The following KAT2B variants were observed in gnomAD, a reference collection of about 807,000 sequenced individuals.
KAT2B encodes histone acetyltransferase KAT2B.
A neutral mutation model predicts 105.9 loss-of-function variants in KAT2B; 36 were observed. The ratio of observed to expected loss-of-function variants is 0.34; its 90% CI spans 0.26 to 0.45. KAT2B has a LOEUF of 0.45. Ranked by LOEUF, KAT2B falls within the 20% of genes least tolerant of loss-of-function variation. The probability of loss-of-function intolerance (pLI) is 1.00; values close to 1 mark genes in which losing one functional copy is unlikely to be tolerated. For missense variants in KAT2B, 820 were observed against 1,021.6 expected, an observed-to-expected ratio of 0.80 and a Z score of 2.69; for synonymous variants, 397 against 377.9, an observed-to-expected ratio of 1.05 and a Z score of -0.59.
At chr3:20,132,471 T>C (rs958787226) in intron 11 of KAT2B, among the ~76,000 whole-genome samples, 13 of 152,212 alleles carry the variant, frequency 8.5e-5, no homozygotes, top group Non-Finnish European at 1.6e-4. Context: ...ACACTGAAGT[T>C]ACCAGATAGT....
At chr3:20,108,781 C>T (rs1699067551) in intron 5 of KAT2B, among the ~76,000 whole-genome samples, 1 of 152,194 alleles carries the variant, frequency 6.6e-6, no homozygotes, top group Admixed American at 6.5e-5. Context: ...CTGAGCTCCA[C>T]CTCCTGTCAG....
At chr3:20,100,956 A>G (rs536400379) in intron 4 of KAT2B, 36 of 287,084 alleles carry the variant, frequency 1.3e-4, no homozygotes, top group African/African-American at 6.5e-4. Context: ...TAAAGCAATA[A>G]TTATTCTGCA....
At chr3:20,049,997 C>T (rs559203061) in intron 1 of KAT2B, among the ~76,000 whole-genome samples, 5 of 152,140 alleles carry the variant, frequency 3.3e-5, no homozygotes, top group East Asian at 1.9e-4. Flanking sequence ...CTCAGGAGTT[C>T]GAGACCAGCC....
intron 1 of KAT2B, among the ~76,000 whole-genome samples, chr3:20,068,782 TA>T (rs1698268919): frequency 6.6e-6 from 1 of 152,210 alleles, no homozygotes; most frequent in Non-Finnish European, 1.5e-5. Context: ...TGTTTTTGGT[TA>T]TTACTGTTTT....
intron 13 of KAT2B, among the ~76,000 whole-genome samples, chr3:20,142,613 G>A (rs905514105): frequency 2.0e-5 from 3 of 152,178 alleles, no homozygotes; most frequent in African/African-American, 4.8e-5. Context: ...GGTGGACCAA[G>A]AGTGGAGAGT....
At chr3:20,098,880 G>A (rs1698858679) in intron 3 of KAT2B, among the ~76,000 whole-genome samples, 2 of 152,114 alleles carry the variant, frequency 1.3e-5, no homozygotes, top group South Asian at 4.1e-4. Flanking sequence ...GTTCAGTGGT[G>A]AGACATGGTC....
At chr3:20,044,798 A>G (rs1394960681) in intron 1 of KAT2B, among the ~76,000 whole-genome samples, 2 of 152,132 alleles carry the variant, frequency 1.3e-5, no homozygotes, top group Non-Finnish European at 2.9e-5. Context: ...TATGATTTGT[A>G]TGATTATTTG....
chr3:20,152,275 T>C (rs1045456915), intron 17 of KAT2B, 57 bp from the exon 18 acceptor site: 1 of 1,215,756 alleles, frequency 8.2e-7, no homozygotes, highest in Admixed American at 1.9e-5. Flanking sequence ...GTCCCAGTTT[T>C]GTCAGCTGGT....
At chr3:20,051,979 C>G (rs927608849) in intron 1 of KAT2B, among the ~76,000 whole-genome samples, 1 of 152,224 alleles carries the variant, frequency 6.6e-6, no homozygotes, top group African/African-American at 2.4e-5. Flanking sequence ...CCTGTTCAAA[C>G]TTCTTAAGAT....
At chr3:20,120,436 C>T (rs1331444033) in intron 8 of KAT2B, among the ~76,000 whole-genome samples, 4 of 151,980 alleles carry the variant, frequency 2.6e-5, no homozygotes, top group African/African-American at 9.7e-5. Flanking sequence ...CCATATTGGT[C>T]AGGCTGGTCT....
At chr3:20,110,359 A>C (rs1699097908) in intron 5 of KAT2B, among the ~76,000 whole-genome samples, 1 of 151,562 alleles carries the variant, frequency 6.6e-6, no homozygotes, top group African/African-American at 2.4e-5. Context: ...TCACATCTTC[A>C]CTTCTGGGAG....
chr3:20,091,406 A>G (rs1324284133), intron 2 of KAT2B, among the ~76,000 whole-genome samples: 1 of 152,012 alleles, frequency 6.6e-6, no homozygotes, highest in Non-Finnish European at 1.5e-5. Context: ...TAGTCCAGCT[A>G]AAAGTTTGTC....
At chr3:20,121,942 T>TTAAGACTCATA (rs1370312009) in intron 8 of KAT2B, among the ~76,000 whole-genome samples, 1 of 151,996 alleles carries the variant, frequency 6.6e-6, no homozygotes, top group Non-Finnish European at 1.5e-5. Context: ...TCATTTGGGG[T>TTAAGACTCATA]TGGTTTATTA....
chr3:20,151,129 A>C (rs1048678256), intron 17 of KAT2B, among the ~76,000 whole-genome samples: 4 of 152,136 alleles, frequency 2.6e-5, no homozygotes, highest in Admixed American at 6.5e-5. Context: ...TTAGATTTTT[A>C]TCTCTCTCCA....
At chr3:20,074,058 C>T (rs900151985) in intron 2 of KAT2B, among the ~76,000 whole-genome samples, 8 of 151,994 alleles carry the variant, frequency 5.3e-5, no homozygotes, top group African/African-American at 1.9e-4. Context: ...AACAAATGCC[C>T]TCATTCTGCA....
chr3:20,113,435 T>A (rs992970778), intron 6 of KAT2B, among the ~76,000 whole-genome samples: 1 of 152,240 alleles, frequency 6.6e-6, no homozygotes, highest in African/African-American at 2.4e-5. Context: ...TTCATTTTGC[T>A]TCTTGCAGGT....
intron 2 of KAT2B, among the ~76,000 whole-genome samples, chr3:20,081,431 G>A (rs1285371032): frequency 6.6e-6 from 1 of 152,142 alleles, no homozygotes; most frequent in Non-Finnish European, 1.5e-5. Context: ...TCACTCTCTG[G>A]CACCCTGGGT....
chr3:20,126,264 T>A, intron 10 of KAT2B, 151 bp downstream of exon 10: 1 of 663,304 alleles, frequency 1.5e-6, no homozygotes, highest in Non-Finnish European at 2.6e-6. Flanking sequence ...GATTTTCATG[T>A]CTGAAAGTGC....
At chr3:20,141,634 C>G (rs1699696216) in intron 13 of KAT2B, among the ~76,000 whole-genome samples, 1 of 152,152 alleles carries the variant, frequency 6.6e-6, no homozygotes. Flanking sequence ...TCCTTAATCC[C>G]AGTTCTTAGT....
Sources: allele counts gnomAD v4.1 joint callset (sites outside exome capture counted in the v4.1 genomes callset), GRCh38; gene constraint gnomAD v4.1.1; transcripts MANE v1.5; gene names NCBI Gene and HGNC (gene_info 2026-07-23, HGNC 2026-07-21).